The following NXPE1 variants were observed in gnomAD, a reference collection of about 807,000 sequenced individuals.
The protein encoded by NXPE1 is neurexophilin and PC-esterase domain family member 1.
NXPE1 carries 31 observed loss-of-function variants against 33.3 expected under a neutral mutation model. That is an observed-to-expected ratio of 0.93 (90% CI 0.70 to 1.26). The LOEUF is 1.26. Ranked by LOEUF, NXPE1 falls within the 50% of genes most tolerant of loss-of-function variation. The pLI is 0.00. For missense variants in NXPE1, 661 were observed against 655.6 expected (o/e 1.01, Z -0.09); for synonymous variants, 229 against 231.4 (o/e 0.99, Z 0.09).
chr11:114,534,087 C>G (rs1027850022), intron 5 of NXPE1, among the ~76,000 whole-genome samples: 3 of 152,194 alleles, frequency 2.0e-5, no homozygotes, highest in African/African-American at 7.2e-5. Context: ...TGAGACAAAA[C>G]TTCCAGAGGA....
intron 1 of NXPE1, among the ~76,000 whole-genome samples, chr11:114,555,461 G>A (rs1484377519): frequency 6.6e-6 from 1 of 152,152 alleles, no homozygotes; most frequent in Non-Finnish European, 1.5e-5. Flanking sequence ...TTCTGACCTT[G>A]TGATCTGCCT....
At chr11:114,525,276 T>A (rs1440601834) in intron 7 of NXPE1, among the ~76,000 whole-genome samples, 3 of 151,892 alleles carry the variant, frequency 2.0e-5, no homozygotes, top group Admixed American at 6.6e-5. Context: ...CACTGAGAAA[T>A]AGATTCCATT....
intron 6 of NXPE1, 92 bp from the exon 7 acceptor site, chr11:114,527,993 G>A (rs1248770974): frequency 1.0e-5 from 9 of 860,078 alleles, no homozygotes; most frequent in African/African-American, 5.1e-5. Flanking sequence ...AAAATTTTTA[G>A]TTTTCTATAA....
rs10582306 is a variant in NXPE1, at chr11:114,559,610, G to GT, written c.-211+187dup. Among the ~76,000 whole-genome samples the GT allele has an allele frequency of 2.5e-3, 370 of 146,230 alleles. 1 individual carries two copies. Among genetic ancestry groups the GT allele is most frequent in the South Asian group, 7.9e-3 (36 of 4,568 alleles). ...TCAGTAAGAGAGGCTCTCACTATCA[G>GT]TTTTTTTTTTTGTTTCCCACACTTT... On this transcript the variant is annotated intron_variant, in intron 1 of 8. Coordinates refer to ENST00000534921, the Ensembl canonical transcript of NXPE1.
At position 114,552,838 on chromosome 11, in the gene NXPE1, T is replaced by C. The variant is rs1416139504; in HGVS notation, c.-182+14A>G. 1.0e-6 allele frequency: 1 copy of C among 964,010 alleles called. No individual in the cohort carries two copies. Among genetic ancestry groups the C allele is most frequent in the Non-Finnish European group, 1.2e-6 (1 of 810,490 alleles). 59.7% of individuals were successfully genotyped at this position (964,010 alleles called of 1,614,324 possible). A position where few individuals can be genotyped will look rare whatever the true frequency, so the allele number is the denominator to read the frequency against. On this transcript the variant is annotated intron_variant, in intron 2 of 8. Transcript: ENST00000534921. ...AGATCTTTAAACTTATTCTGTAAAA[T>C]ACTGGGTACTTACCCAATAGGTGTC...
chr11:114,557,634 C>CATATATATATAT (rs4019608), intron 1 of NXPE1, among the ~76,000 whole-genome samples: 15 of 128,450 alleles, frequency 1.2e-4, no homozygotes, highest in Non-Finnish European at 2.0e-4. Context: ...ATATATAATA[C>CATATATATATAT]ATATATATAT....
At chr11:114,524,104 C>T (rs1311435200) in intron 7 of NXPE1, among the ~76,000 whole-genome samples, 1 of 151,840 alleles carries the variant, frequency 6.6e-6, no homozygotes, top group African/African-American at 2.4e-5. Context: ...TCTTGCTGTT[C>T]TCACATTATA....
intron 5 of NXPE1, 46 bp downstream of exon 5, chr11:114,551,057 G>T (rs567070332): frequency 2.8e-6 from 3 of 1,054,358 alleles, no homozygotes; most frequent in Non-Finnish European, 4.2e-6. Flanking sequence ...CGTCACACAG[G>T]TGAGGGCTTA....
chr11:114,547,632 G>C (rs1270823652), intron 5 of NXPE1, among the ~76,000 whole-genome samples: 1 of 152,198 alleles, frequency 6.6e-6, no homozygotes, highest in East Asian at 1.9e-4. Flanking sequence ...CTACTCGGGA[G>C]GCTGAGGCAG....
chr11:114,522,860 A>C lies in NXPE1; in HGVS notation c.1108+19T>G, dbSNP rs1947256023. 1 of 1,545,678 alleles carries C rather than the reference A, an allele frequency of 6.5e-7. No homozygotes were observed. Among genetic ancestry groups the C allele is most frequent in the Non-Finnish European group, 8.9e-7 (1 of 1,118,128 alleles). On this transcript the variant is annotated intron_variant, in intron 8 of 8. Transcript: ENST00000534921. Reference sequence around the variant, plus strand: ...AAAACCAGCCTGAATTTCTAAGAGAATATAAAGTAACTACCTACTTTTTAC... The same window carrying C: ...AAAACCAGCCTGAATTTCTAAGAGACTATAAAGTAACTACCTACTTTTTAC...
chr11:114,559,247 C>G (rs1361039842), intron 1 of NXPE1, among the ~76,000 whole-genome samples: 2 of 152,194 alleles, frequency 1.3e-5, no homozygotes, highest in Non-Finnish European at 2.9e-5. Flanking sequence ...CTGCACCAAT[C>G]TAGACTCTAT....
At position 114,522,299 on chromosome 11, in the gene NXPE1, A is replaced by G. The variant is rs374915027; in HGVS notation, c.1313T>C (p.Phe438Ser). ...GGGAAATGGTCTAAAGTGCTGGCCAAAGGTGATGACGATGGCTGTGTTTTT... is the reference window on the plus strand; with the variant it reads ...GGGAAATGGTCTAAAGTGCTGGCCAGAGGTGATGACGATGGCTGTGTTTTT... The change falls in exon 9 of 9, where the codon TTT (phenylalanine) becomes TCT (serine). Residue 438 changes from phenylalanine (F) to serine (S), a missense_variant. Coordinates refer to ENST00000534921, the Ensembl canonical transcript of NXPE1. The G allele has an allele frequency of 3.7e-5, 60 of 1,613,960 alleles. No individual in the cohort carries two copies. Among genetic ancestry groups the G allele is most frequent in the Non-Finnish European group, 4.9e-5 (58 of 1,179,980 alleles).
chr11:114,557,645 A>ATG (rs1325391595), intron 1 of NXPE1, among the ~76,000 whole-genome samples: 3 of 39,344 alleles, frequency 7.6e-5, no homozygotes, highest in Non-Finnish European at 1.2e-4. Context: ...ATATATATAT[A>ATG]TATATATATA....
At chr11:114,530,618 C>G in exon 6 of NXPE1, 1 of 1,614,170 alleles carries the variant, frequency 6.2e-7, no homozygotes, top group African/African-American at 1.3e-5. Flanking sequence ...ATTGCTTCCT[C>G]TGTCCCAAGT....
chr11:114,522,756 G>T (rs1230230705), intron 8 of NXPE1, 123 bp downstream of exon 8: 2 of 716,846 alleles, frequency 2.8e-6, no homozygotes, highest in East Asian at 2.7e-5. Context: ...AAATGTAAAG[G>T]TTCAAATCCA....
chr11:114,551,362 A>T, intron 4 of NXPE1, 21 bp downstream of exon 4: 1 of 1,405,608 alleles, frequency 7.1e-7, no homozygotes, highest in Non-Finnish European at 9.2e-7. Flanking sequence ...AACAACTCAT[A>T]CCCCCAATCC....
At chr11:114,552,502 G>T (rs1228346245) in intron 2 of NXPE1, among the ~76,000 whole-genome samples, 1 of 151,760 alleles carries the variant, frequency 6.6e-6, no homozygotes, top group Non-Finnish European at 1.5e-5. Flanking sequence ...ACAGAATCCC[G>T]ATTTTTAGAC....
intron 6 of NXPE1, 178 bp downstream of exon 6, chr11:114,529,997 T>C (rs913537194): frequency 5.0e-6 from 3 of 599,450 alleles, no homozygotes; most frequent in South Asian, 2.2e-5. Context: ...TGGGACAATA[T>C]AGTGAAAATG....
intron 1 of NXPE1, 31 bp from the exon 2 acceptor site, chr11:114,552,911 G>A (rs1948546514): frequency 2.2e-6 from 2 of 926,536 alleles, no homozygotes; most frequent in African/African-American, 1.8e-5. Context: ...CAAAATTAAT[G>A]AAATAAACAT....
Sources: gnomAD v4.1 joint callset for allele counts (sites outside exome capture counted in the v4.1 genomes callset) on GRCh38, gnomAD v4.1.1 for gene constraint, MANE v1.5 for transcripts, NCBI Gene and HGNC (gene_info 2026-07-23, HGNC 2026-07-21) for gene names.